VAPB: variants seen among roughly 807,000 people sequenced by gnomAD.
VAPB encodes VAMP associated protein B and C.
In VAPB, 7 loss-of-function variants were observed where a neutral mutation model predicts 25.6. The observed-to-expected ratio is 0.27, with a 90% confidence interval of 0.16 to 0.51. The LOEUF (loss-of-function observed/expected upper bound fraction) is 0.51. VAPB is among the 20% of genes least tolerant of loss of function. The pLI, the probability that VAPB is intolerant of heterozygous loss-of-function variation, is 0.97. For missense variants in VAPB, 266 were observed against 301.3 expected (o/e 0.88, Z 0.87); for synonymous variants, 112 against 109.2 (o/e 1.03, Z -0.16).
At position 58,444,061 on chromosome 20, in the gene VAPB, G is replaced by A. The variant is rs1265706161; in HGVS notation, c.574-16G>A. ...GTGCCTTGGCTTGTCTTTGAAATGT[G>A]CGTTTGCTCCCGTAGGAAGAAGATG... On this transcript the variant is annotated splice_polypyrimidine_tract_variant and intron_variant, in intron 5 of 5. Coordinates refer to ENST00000475243, the MANE Select transcript of VAPB (RefSeq NM_004738.5). 2 of 1,614,192 alleles carry A rather than the reference G, an allele frequency of 1.2e-6. No homozygotes were observed. Among genetic ancestry groups the A allele is most frequent in the East Asian group, 2.2e-5 (1 of 44,890 alleles).
At chr20:58,415,119 G>A (rs968854643) in intron 1 of VAPB, among the ~76,000 whole-genome samples, 4 of 152,196 alleles carry the variant, frequency 2.6e-5, no homozygotes, top group Admixed American at 6.5e-5. Context: ...TATTTGCCTT[G>A]TAAAACAGAT....
At chr20:58,412,857 AATC>A (rs1379785893) in intron 1 of VAPB, among the ~76,000 whole-genome samples, 1 of 152,184 alleles carries the variant, frequency 6.6e-6, no homozygotes, top group Non-Finnish European at 1.5e-5. Flanking sequence ...AAAGCATTTA[AATC>A]ATATGTAGAT....
At position 58,448,461 on chromosome 20, in the gene VAPB, G is replaced by C. The variant is rs576762905; in HGVS notation, c.*4226G>C. On this transcript the variant is annotated 3_prime_UTR_variant, in exon 6 of 6. Coordinates refer to ENST00000475243, the MANE Select transcript of VAPB (RefSeq NM_004738.5). ...CATTCGCTCATTGAACTTAATCCTT[G>C]CAACTGTGACTGGGGGGTAGATGGC... 7 of 454,044 alleles carry C rather than the reference G, an allele frequency of 1.5e-5. No homozygotes were observed. Among genetic ancestry groups the C allele is most frequent in the African/African-American group, 1.4e-4 (7 of 50,102 alleles). The allele number at this position is 454,044 out of a possible 1,614,324, so 28.1% of individuals were successfully genotyped here.
At chr20:58,421,410 C>T (rs1398598865) in intron 2 of VAPB, among the ~76,000 whole-genome samples, 1 of 152,084 alleles carries the variant, frequency 6.6e-6, no homozygotes, top group African/African-American at 2.4e-5. Flanking sequence ...TATTTATGGA[C>T]CTTTGCTAAT....
Position 58,445,959 on chromosome 20 carries a change from C to T in VAPB, c.*1724C>T, listed in dbSNP as rs772258342. ...GAAGGCAGTCCTTAGAAGTCACATA[C>T]GTTGAGCCACGTTGCTCCTAAGCCT... On this transcript the variant is annotated 3_prime_UTR_variant, in exon 6 of 6. Coordinates refer to ENST00000475243, the MANE Select transcript of VAPB (RefSeq NM_004738.5). The T allele has an allele frequency of 4.6e-5, 21 of 453,926 alleles. No homozygotes were observed. The highest frequency in any genetic ancestry group is 2.8e-4 in the African/African-American group (14 of 49,968). 28.1% of individuals were successfully genotyped at this position (453,926 alleles called of 1,614,324 possible).
intron 1 of VAPB, among the ~76,000 whole-genome samples, chr20:58,393,794 G>A (rs574947566): frequency 2.0e-5 from 3 of 152,032 alleles, no homozygotes; most frequent in African/African-American, 7.3e-5. Flanking sequence ...GTGCAATGGC[G>A]CGATCTTGGC....
chr20:58,390,775 A>G (rs1031729203), intron 1 of VAPB, among the ~76,000 whole-genome samples: 1 of 152,096 alleles, frequency 6.6e-6, no homozygotes, highest in Non-Finnish European at 1.5e-5. Context: ...AGGGTAACTT[A>G]CCCAAAGTTA....
chr20:58,422,754 T>A (rs189221511), intron 2 of VAPB, among the ~76,000 whole-genome samples: 3 of 152,182 alleles, frequency 2.0e-5, no homozygotes, highest in African/African-American at 4.8e-5. Flanking sequence ...GATATTAAGT[T>A]TAATATTTTT....
chr20:58,443,377 T>G (rs1396594761), intron 5 of VAPB, among the ~76,000 whole-genome samples: 1 of 150,318 alleles, frequency 6.7e-6, no homozygotes, highest in Non-Finnish European at 1.5e-5. Context: ...ATTTGAAAGC[T>G]TCCAGATGTC....
At chr20:58,391,062 G>A (rs928205637) in intron 1 of VAPB, among the ~76,000 whole-genome samples, 2 of 152,214 alleles carry the variant, frequency 1.3e-5, no homozygotes, top group East Asian at 3.8e-4. Context: ...GCCAGATTGG[G>A]AAAGAAGTCC....
At chr20:58,412,622 TC>T (rs1488201876) in intron 1 of VAPB, among the ~76,000 whole-genome samples, 1 of 151,362 alleles carries the variant, frequency 6.6e-6, no homozygotes, top group East Asian at 1.9e-4. Flanking sequence ...CTTAAAAACT[TC>T]TATCTTGCCA....
chr20:58,424,473 C>T (rs2123069393), intron 2 of VAPB, among the ~76,000 whole-genome samples: 1 of 151,790 alleles, frequency 6.6e-6, no homozygotes, highest in South Asian at 2.1e-4. Flanking sequence ...AATTGTTCTC[C>T]ATGTTTTAGG....
chr20:58,419,294 T>G (rs761140804), intron 2 of VAPB, among the ~76,000 whole-genome samples: 3 of 152,238 alleles, frequency 2.0e-5, no homozygotes, highest in African/African-American at 7.2e-5. Flanking sequence ...TGGAAAGATA[T>G]AAGGTGTTTC....
In VAPB at chr20:58,389,429, C is replaced by T. The variant is rs767492802; in HGVS notation, c.-31C>T. 8 of 1,578,426 alleles carry T rather than the reference C, an allele frequency of 5.1e-6. No homozygotes were observed. Among genetic ancestry groups the T allele is most frequent in the Non-Finnish European group, 8.6e-7 (1 of 1,162,402 alleles). ...CGCCCCGGTGACCTCTCAGGGGTCT[C>T]CCCGCCAAAGGTGCTCCGCCGCTAA... is the stretch of plus-strand genomic sequence containing the variant. On this transcript the variant is annotated 5_prime_UTR_variant, in exon 1 of 6. Coordinates refer to ENST00000475243, the MANE Select transcript of VAPB (RefSeq NM_004738.5).
At position 58,425,921 on chromosome 20, in the gene VAPB, C is replaced by T. The variant is rs374475346; in HGVS notation, c.211+7558C>T. ...TATATTTATTTATTTTTGACAAAGT[C>T]TCTCTCTGTCACCCAGGCTGGAGTG... On this transcript the variant is annotated intron_variant, in intron 2 of 5. Coordinates refer to ENST00000475243, the MANE Select transcript of VAPB (RefSeq NM_004738.5). Among the ~76,000 whole-genome samples, 6 of 152,220 alleles carry T rather than the reference C, an allele frequency of 3.9e-5. No individual in the cohort carries two copies. The East Asian group carries it at 9.6e-4, about 24-fold the overall frequency.
At chr20:58,399,297 T>C (rs748452879) in intron 1 of VAPB, among the ~76,000 whole-genome samples, 1 of 147,418 alleles carries the variant, frequency 6.8e-6, no homozygotes, top group African/African-American at 2.5e-5. Context: ...CAAAACTCCG[T>C]CTCAAAAAAA....
At chr20:58,427,170 G>A (rs1307642109) in intron 2 of VAPB, among the ~76,000 whole-genome samples, 5 of 151,934 alleles carry the variant, frequency 3.3e-5, no homozygotes, top group Non-Finnish European at 5.9e-5. Context: ...TGATGCAGAC[G>A]AAAGTGATCT....
At position 58,402,561 on chromosome 20, in the gene VAPB, C is replaced by CTTTTTTTTTTTT. The variant is rs1568700275; in HGVS notation, c.58+13044_58+13045insTTTTTTTTTTTT. On this transcript the variant is annotated intron_variant, in intron 1 of 5. Transcript: ENST00000475243. Reference sequence around the variant, plus strand: ...GCTGTTAGTCAGCAAGCCCCCCCACCCTTTTTTTTTTTTTTTTTTTAGATT... The same window carrying CTTTTTTTTTTTT: ...GCTGTTAGTCAGCAAGCCCCCCCACCTTTTTTTTTTTTCTTTTTTTTTTTTTTTTTTTAGATT... 1.2e-4 allele frequency among the ~76,000 whole-genome samples: 13 copies of CTTTTTTTTTTTT among 112,022 alleles called. 2 individuals are homozygous for CTTTTTTTTTTTT. The highest frequency in any genetic ancestry group is 9.7e-5 in the Non-Finnish European group (5 of 51,678). 73.5% of individuals were successfully genotyped at this position (112,022 alleles called of 152,430 possible). A position where few individuals can be genotyped will look rare whatever the true frequency, so the allele number is the denominator to read the frequency against.
intron 1 of VAPB, 76 bp downstream of exon 1, chr20:58,389,593 G>A: frequency 1.4e-6 from 2 of 1,475,932 alleles, no homozygotes; most frequent in Non-Finnish European, 1.8e-6. Flanking sequence ...CGGCGCGGCG[G>A]GTGACGTCGG....
Sources: gnomAD v4.1 joint callset for allele counts (sites outside exome capture counted in the v4.1 genomes callset) on GRCh38, gnomAD v4.1.1 for gene constraint, MANE v1.5 for transcripts, NCBI Gene and HGNC (gene_info 2026-07-23, HGNC 2026-07-21) for gene names.